SYT14: variants seen among roughly 807,000 people sequenced by gnomAD.
SYT14 encodes the protein synaptotagmin-14.
Under a neutral mutation model 74.2 loss-of-function variants are expected in SYT14, and 32 were observed. The observed-to-expected ratio is 0.43, with a 90% CI of 0.33 to 0.58. The LOEUF is 0.58. Among genes scored for constraint, SYT14 ranks in the 20% least tolerant of loss-of-function variants. The pLI, the probability that SYT14 is intolerant of heterozygous loss-of-function variation, is 0.05. For missense variants in SYT14, 791 were observed against 981.8 expected (o/e 0.81, Z 2.60); for synonymous variants, 298 against 337.7 (o/e 0.88, Z 1.29).
At chr1:210,070,082 A>G (rs978079239) in intron 5 of SYT14, among the ~76,000 whole-genome samples, 1 of 152,104 alleles carries the variant, frequency 6.6e-6, no homozygotes, top group Non-Finnish European at 1.5e-5. Context: ...TAGCATAAAC[A>G]TTTTATTCTG....
chr1:210,121,919 A>G (rs1040264173), intron 7 of SYT14, among the ~76,000 whole-genome samples: 1 of 152,146 alleles, frequency 6.6e-6, no homozygotes, highest in East Asian at 1.9e-4. Flanking sequence ...TATTACATTG[A>G]TACATATCAA....
intron 5 of SYT14, among the ~76,000 whole-genome samples, chr1:210,088,900 T>G (rs1449929550): frequency 1.3e-5 from 2 of 151,922 alleles, no homozygotes; most frequent in Non-Finnish European, 2.9e-5. Flanking sequence ...TTTATTATAC[T>G]TTAAGTTCTG....
At chr1:210,033,019 T>C (rs2080576948) in intron 5 of SYT14, among the ~76,000 whole-genome samples, 1 of 151,792 alleles carries the variant, frequency 6.6e-6, no homozygotes, top group South Asian at 2.1e-4. Context: ...TCGTACAAAC[T>C]AGAATAAGAA....
chr1:210,035,822 T>C (rs915597946), intron 5 of SYT14, among the ~76,000 whole-genome samples: 5 of 152,102 alleles, frequency 3.3e-5, no homozygotes, highest in Admixed American at 2.0e-4. Flanking sequence ...TACAGTATAA[T>C]TTGAAGTCAG....
At chr1:209,941,898 T>C (rs544113374) in intron 1 of SYT14, among the ~76,000 whole-genome samples, 9 of 152,338 alleles carry the variant, frequency 5.9e-5, no homozygotes, top group East Asian at 1.9e-4. Flanking sequence ...ATATAACTTA[T>C]GCACATCCTC....
intron 2 of SYT14, among the ~76,000 whole-genome samples, chr1:209,970,687 T>TA (rs2079239224): frequency 1.2e-5 from 1 of 84,260 alleles, no homozygotes; most frequent in African/African-American, 4.0e-5. Context: ...TTTTTTTTTT[T>TA]TTTTTTTTTT....
intron 1 of SYT14, among the ~76,000 whole-genome samples, chr1:209,938,634 G>T (rs1005766909): frequency 6.6e-6 from 1 of 152,096 alleles, no homozygotes; most frequent in African/African-American, 2.4e-5. Context: ...GGGACGGGCT[G>T]GGAGGAGCGA....
intron 2 of SYT14, among the ~76,000 whole-genome samples, chr1:209,999,820 A>G (rs2079861297): frequency 6.6e-6 from 1 of 152,144 alleles, no homozygotes; most frequent in Non-Finnish European, 1.5e-5. Context: ...AATAGAAGGA[A>G]TAAGTTCTAA....
At chr1:210,021,637 T>C (rs2080305955) in intron 5 of SYT14, among the ~76,000 whole-genome samples, 1 of 152,182 alleles carries the variant, frequency 6.6e-6, no homozygotes, top group Non-Finnish European at 1.5e-5. Context: ...ATGATTCCAG[T>C]GTGTAAATGT....
intron 2 of SYT14, among the ~76,000 whole-genome samples, chr1:209,985,980 T>C (rs2079563265): frequency 6.6e-6 from 1 of 152,136 alleles, no homozygotes; most frequent in Admixed American, 6.5e-5. Context: ...AACCATTCAG[T>C]TCTCCTAGGC....
At chr1:210,071,520 T>C (rs17015566) in intron 5 of SYT14, among the ~76,000 whole-genome samples, 7,580 of 152,048 alleles carry the variant, frequency 0.05, 1,043 homozygotes, top group East Asian at 0.42. Flanking sequence ...AAAAGCAGAA[T>C]TGTATCTCTC....
At chr1:210,043,034 AG>A (rs1301589697) in intron 5 of SYT14, among the ~76,000 whole-genome samples, 1 of 152,128 alleles carries the variant, frequency 6.6e-6, no homozygotes, top group Non-Finnish European at 1.5e-5. Flanking sequence ...TTCCTTGAGT[AG>A]TGGTTTGTAG....
intron 5 of SYT14, among the ~76,000 whole-genome samples, chr1:210,022,545 T>C (rs1347122418): frequency 6.6e-6 from 1 of 152,208 alleles, no homozygotes; most frequent in African/African-American, 2.4e-5. Context: ...TGAGATCTGG[T>C]CCTTGTTAAC....
intron 2 of SYT14, among the ~76,000 whole-genome samples, chr1:209,985,203 CCTGTAAAATCAAACA>C (rs2079550128): frequency 6.6e-6 from 1 of 152,158 alleles, no homozygotes; most frequent in African/African-American, 2.4e-5. Context: ...TGTCTAGGAG[CCTGTAAAATCAAACA>C]AATTATTTAC....
intron 7 of SYT14, among the ~76,000 whole-genome samples, chr1:210,107,377 A>G (rs1280300817): frequency 2.0e-5 from 3 of 152,248 alleles, no homozygotes; most frequent in Non-Finnish European, 2.9e-5. Context: ...AGAAACAGCC[A>G]AACCATATCA....
At chr1:210,144,897 A>T (rs2082998201) in intron 7 of SYT14, among the ~76,000 whole-genome samples, 1 of 152,114 alleles carries the variant, frequency 6.6e-6, no homozygotes, top group Non-Finnish European at 1.5e-5. Context: ...CCCAGGTGTA[A>T]ATGTGAGAGC....
chr1:210,074,144 CA>C (rs2081446480), intron 5 of SYT14, among the ~76,000 whole-genome samples: 1 of 152,156 alleles, frequency 6.6e-6, no homozygotes, highest in African/African-American at 2.4e-5. Flanking sequence ...TCACCTACCT[CA>C]GGGGGTTACT....
chr1:209,976,288 G>A (rs1169049809), intron 2 of SYT14, among the ~76,000 whole-genome samples: 2 of 144,798 alleles, frequency 1.4e-5, no homozygotes, highest in Non-Finnish European at 3.0e-5. Flanking sequence ...TCTTTTAATT[G>A]TGATGTTAGG....
At chr1:210,145,445 A>G (rs2083012516) in intron 7 of SYT14, among the ~76,000 whole-genome samples, 1 of 152,108 alleles carries the variant, frequency 6.6e-6, no homozygotes, top group Admixed American at 6.5e-5. Flanking sequence ...GTCTTTCATG[A>G]TTTATTATTT....
Sources: gnomAD v4.1 joint callset for allele counts (sites outside exome capture counted in the v4.1 genomes callset) on GRCh38, gnomAD v4.1.1 for gene constraint, MANE v1.5 for transcripts, NCBI Gene and HGNC (gene_info 2026-07-23, HGNC 2026-07-21) for gene names.